AK5: variants seen among roughly 807,000 people sequenced by gnomAD.
The protein encoded by AK5 is adenylate kinase 5, also known as adenylate kinase isoenzyme 5.
In AK5, 27 loss-of-function variants were observed where a neutral mutation model predicts 69.5. That is an observed-to-expected ratio of 0.39 (90% CI 0.29 to 0.54). AK5 has a LOEUF of 0.54. Among genes scored for constraint, AK5 ranks in the 20% least tolerant of loss-of-function variants. The pLI is 0.71. For synonymous variants in AK5, 260 were observed against 244.4 expected (o/e 1.06, Z -0.60); for missense variants, 531 against 700.4 (o/e 0.76, Z 2.73).
intron 5 of AK5, among the ~76,000 whole-genome samples, chr1:77,312,602 G>A (rs1966873): frequency 0.081 from 11,015 of 135,348 alleles, 521 homozygotes; most frequent in South Asian, 0.23. Flanking sequence ...GTGACAGAGC[G>A]AGTCTGTCTA....
At chr1:77,283,306 A>G (rs1334484201) in intron 1 of AK5, 16 of 985,250 alleles carry the variant, frequency 1.6e-5, no homozygotes, top group African/African-American at 1.7e-5. Context: ...GGAGGAGGAG[A>G]AAAGAATAGA....
intron 5 of AK5, chr1:77,314,218 T>C: frequency 7.4e-6 from 2 of 269,828 alleles, no homozygotes; most frequent in East Asian, 1.0e-4. Flanking sequence ...CTGCTCCAAG[T>C]CACATGTATC....
At chr1:77,400,957 T>TAAAAAA (rs1649176867) in intron 6 of AK5, among the ~76,000 whole-genome samples, 1 of 77,350 alleles carries the variant, frequency 1.3e-5, no homozygotes, top group Non-Finnish European at 3.1e-5. Context: ...AAAAAAAAAG[T>TAAAAAA]ATGTTCCGCC....
At chr1:77,541,256 T>C (rs914647916) in intron 13 of AK5, among the ~76,000 whole-genome samples, 8 of 151,968 alleles carry the variant, frequency 5.3e-5, no homozygotes, top group African/African-American at 1.7e-4. Context: ...AAAACCCATC[T>C]CTACAAAAAA....
chr1:77,417,977 G>A (rs1052257774), intron 8 of AK5: 1 of 317,884 alleles, frequency 3.1e-6, no homozygotes, highest in African/African-American at 2.2e-5. Flanking sequence ...TAGAAATGAG[G>A]TTCTCTTGCC....
intron 11 of AK5, 77 bp from the exon 12 acceptor site, chr1:77,521,750 A>G: frequency 9.5e-7 from 1 of 1,051,766 alleles, no homozygotes; most frequent in Admixed American, 1.8e-5. Context: ...CCCTCAGTGG[A>G]TGACTGAAGG....
intron 8 of AK5, among the ~76,000 whole-genome samples, chr1:77,463,181 C>T (rs561710595): frequency 4.5e-4 from 68 of 152,268 alleles, no homozygotes; most frequent in African/African-American, 1.6e-3. Flanking sequence ...CCCAACTCCT[C>T]CCTGACTGAC....
At chr1:77,537,852 T>G (rs1386445535) in intron 13 of AK5, among the ~76,000 whole-genome samples, 1 of 152,184 alleles carries the variant, frequency 6.6e-6, no homozygotes, top group African/African-American at 2.4e-5. Flanking sequence ...ATCCCCTACT[T>G]CCACATCCAT....
chr1:77,427,244 AT>A (rs1453872453), intron 8 of AK5, among the ~76,000 whole-genome samples: 1 of 152,044 alleles, frequency 6.6e-6, no homozygotes. Context: ...CATAAAATCA[AT>A]GAGCCTCTAG....
intron 8 of AK5, among the ~76,000 whole-genome samples, chr1:77,476,350 G>C (rs2647502): frequency 0.98 from 149,771 of 152,328 alleles, 73,681 homozygotes; most frequent in East Asian, 1. Flanking sequence ...CAAAATTTCT[G>C]AAGGACCAGT....
chr1:77,535,068 G>A (rs116724617), intron 12 of AK5, among the ~76,000 whole-genome samples: 14 of 152,252 alleles, frequency 9.2e-5, no homozygotes, highest in African/African-American at 3.4e-4. Flanking sequence ...GCTAACTTGG[G>A]CTTCCTCTCA....
intron 7 of AK5, among the ~76,000 whole-genome samples, chr1:77,412,670 T>A (rs751026021): frequency 3.9e-5 from 6 of 152,146 alleles, no homozygotes; most frequent in Non-Finnish European, 8.8e-5. Flanking sequence ...ATAAGTCATA[T>A]CCATGGCCTC....
At chr1:77,523,955 C>A (rs766171268) in intron 12 of AK5, among the ~76,000 whole-genome samples, 1 of 152,116 alleles carries the variant, frequency 6.6e-6, no homozygotes, top group African/African-American at 2.4e-5. Context: ...TGTGAGCCAC[C>A]GCACCTGCCT....
intron 5 of AK5, among the ~76,000 whole-genome samples, chr1:77,300,465 C>T (rs538276822): frequency 2.7e-4 from 41 of 152,228 alleles, no homozygotes; most frequent in Non-Finnish European, 5.3e-4. Context: ...GGGAGTTAAG[C>T]GGGTGTGGAG....
intron 7 of AK5, among the ~76,000 whole-genome samples, chr1:77,413,528 G>A (rs946022653): frequency 2.0e-5 from 3 of 152,104 alleles, no homozygotes; most frequent in African/African-American, 7.2e-5. Context: ...CCTCAATGAA[G>A]CCCTCCACCC....
chr1:77,478,927 G>GT (rs34019719), intron 8 of AK5, among the ~76,000 whole-genome samples: 412 of 144,218 alleles, frequency 2.9e-3, no homozygotes, highest in Admixed American at 7.3e-3. Flanking sequence ...TGCAAAAGTA[G>GT]TTTTTTTTTT....
chr1:77,328,261 G>A (rs1215780139), intron 5 of AK5, among the ~76,000 whole-genome samples: 1 of 152,174 alleles, frequency 6.6e-6, no homozygotes, highest in Non-Finnish European at 1.5e-5. Flanking sequence ...AGCACTTTGG[G>A]ATGCTGAGGT....
At chr1:77,506,706 A>G (rs1657052819) in intron 10 of AK5, among the ~76,000 whole-genome samples, 1 of 152,144 alleles carries the variant, frequency 6.6e-6, no homozygotes, top group Non-Finnish European at 1.5e-5. Flanking sequence ...TCTACTATTC[A>G]TTGTTAATGG....
intron 8 of AK5, among the ~76,000 whole-genome samples, chr1:77,443,264 G>A (rs1009989500): frequency 6.6e-6 from 1 of 152,040 alleles, no homozygotes; most frequent in Non-Finnish European, 1.5e-5. Flanking sequence ...TGCTCAACTG[G>A]TATTTAATTT....
Sources: gnomAD v4.1 joint callset for allele counts (sites outside exome capture counted in the v4.1 genomes callset) on GRCh38, gnomAD v4.1.1 for gene constraint, MANE v1.5 for transcripts, NCBI Gene and HGNC (gene_info 2026-07-23, HGNC 2026-07-21) for gene names.